Variants in DRC11 observed in about 807,000 individuals in gnomAD.
DRC11 encodes IQ and AAA domain-containing protein 1.
the DRC11 span, among the ~76,000 whole-genome samples, chr2:236,442,819 T>G: frequency 2.0e-5 from 3 of 152,196 alleles, no homozygotes; most frequent in African/African-American, 7.2e-5. Flanking sequence ...TTCTGGAAGG[T>G]TCAAATTTTA....
At chr2:236,358,604 G>T in the DRC11 span, among the ~76,000 whole-genome samples, 6 of 145,392 alleles carry the variant, frequency 4.1e-5, no homozygotes, top group African/African-American at 1.5e-4. Flanking sequence ...GTAAACCAGG[G>T]GACAGCGGAG....
chr2:236,350,738 G>A, the DRC11 span, among the ~76,000 whole-genome samples: 15 of 152,194 alleles, frequency 9.9e-5, no homozygotes, highest in Non-Finnish European at 1.5e-4. The surrounding 1 kb of genome is among the most constrained non-coding windows in gnomAD (Gnocchi z 5.2). Context: ...GACCTGTACC[G>A]CTACCTGATC....
the DRC11 span, among the ~76,000 whole-genome samples, chr2:236,483,749 C>A: frequency 6.6e-6 from 1 of 152,190 alleles, no homozygotes; most frequent in Admixed American, 6.5e-5. This position sits in a 1 kb window ranked among gnomAD's most constrained non-coding sequence, Gnocchi z 4.8. Context: ...CTTGCCGTGT[C>A]ATTTAGAATG....
the DRC11 span, chr2:236,497,392 A>G: frequency 6.2e-7 from 1 of 1,613,792 alleles, no homozygotes; most frequent in Non-Finnish European, 8.5e-7. This position sits in a 1 kb window ranked among gnomAD's most constrained non-coding sequence, Gnocchi z 5.1. Flanking sequence ...AAAGATGAAA[A>G]CCTGATTTCT....
chr2:236,365,956 C>T, the DRC11 span, among the ~76,000 whole-genome samples: 1 of 152,354 alleles, frequency 6.6e-6, no homozygotes, highest in East Asian at 1.9e-4. The surrounding 1 kb of genome is among the most constrained non-coding windows in gnomAD (Gnocchi z 7.4). Context: ...CCAGTGTTCT[C>T]TGTCCTCAAC....
the DRC11 span, among the ~76,000 whole-genome samples, chr2:236,476,112 A>T: frequency 6.6e-6 from 1 of 152,086 alleles, no homozygotes; most frequent in African/African-American, 2.4e-5. The surrounding 1 kb of genome is among the most constrained non-coding windows in gnomAD (Gnocchi z 4.7). Context: ...TTTGTGAAGA[A>T]TATCATTTTG....
chr2:236,338,198 T>C, the DRC11 span: 6 of 1,611,798 alleles, frequency 3.7e-6, no homozygotes, highest in Non-Finnish European at 5.1e-6. Flanking sequence ...GGGCTGGGGG[T>C]ACTTGCCGTA....
chr2:236,369,878 C>T, the DRC11 span, among the ~76,000 whole-genome samples: 3 of 152,142 alleles, frequency 2.0e-5, no homozygotes, highest in African/African-American at 4.8e-5. This position sits in a 1 kb window ranked among gnomAD's most constrained non-coding sequence, Gnocchi z 4.5. Context: ...AAGTGGCAGA[C>T]GAAAAGGCAT....
the DRC11 span, among the ~76,000 whole-genome samples, chr2:236,320,000 A>G: frequency 6.6e-6 from 1 of 152,216 alleles, no homozygotes; most frequent in Non-Finnish European, 1.5e-5. This position sits in a 1 kb window ranked among gnomAD's most constrained non-coding sequence, Gnocchi z 6.7. Flanking sequence ...TCACTACTGC[A>G]TTCTCAGCCC....
the DRC11 span, among the ~76,000 whole-genome samples, chr2:236,491,175 ATATATACACACAG>A: frequency 1.6e-5 from 1 of 62,216 alleles, no homozygotes; most frequent in African/African-American, 7.9e-5. Context: ...ATATATATAT[ATATATACACACAG>A]TATATATATA....
the DRC11 span, among the ~76,000 whole-genome samples, chr2:236,459,663 A>G: frequency 6.9e-6 from 1 of 145,830 alleles, no homozygotes; most frequent in Non-Finnish European, 1.5e-5. Context: ...GTATATACAT[A>G]CGTATATACG....
At chr2:236,368,024 T>C in the DRC11 span, 2 of 650,238 alleles carry the variant, frequency 3.1e-6, no homozygotes, top group Non-Finnish European at 5.6e-6. Context: ...GGTAGTACTT[T>C]GTGTGCTGGT....
chr2:236,495,792 A>G, the DRC11 span, among the ~76,000 whole-genome samples: 1 of 152,172 alleles, frequency 6.6e-6, no homozygotes, highest in African/African-American at 2.4e-5. This position sits in a 1 kb window ranked among gnomAD's most constrained non-coding sequence, Gnocchi z 5.6. Flanking sequence ...TAGGACTGCT[A>G]GGAAACACTG....
At chr2:236,420,579 A>G in the DRC11 span, among the ~76,000 whole-genome samples, 3 of 152,110 alleles carry the variant, frequency 2.0e-5, no homozygotes, top group Non-Finnish European at 2.9e-5. This position sits in a 1 kb window ranked among gnomAD's most constrained non-coding sequence, Gnocchi z 4.8. Context: ...TGTTGTGAAC[A>G]TATTTGGCCA....
the DRC11 span, among the ~76,000 whole-genome samples, chr2:236,375,490 C>T: frequency 2.6e-5 from 4 of 152,262 alleles, no homozygotes; most frequent in Admixed American, 2.6e-4. The surrounding 1 kb of genome is among the most constrained non-coding windows in gnomAD (Gnocchi z 4.2). Context: ...AGAAAATTCT[C>T]CAGCACTTGA....
the DRC11 span, among the ~76,000 whole-genome samples, chr2:236,462,222 G>C: frequency 2.0e-3 from 303 of 152,248 alleles, 1 homozygote; most frequent in African/African-American, 7.1e-3. This position sits in a 1 kb window ranked among gnomAD's most constrained non-coding sequence, Gnocchi z 6.4. Flanking sequence ...GCTCATGGGG[G>C]AGAACCAGCA....
At chr2:236,351,599 T>C in the DRC11 span, among the ~76,000 whole-genome samples, 1 of 152,160 alleles carries the variant, frequency 6.6e-6, no homozygotes, top group African/African-American at 2.4e-5. This position sits in a 1 kb window ranked among gnomAD's most constrained non-coding sequence, Gnocchi z 7.3. Context: ...ATCCTTTTTA[T>C]GTTACAGAAA....
At chr2:236,450,314 CTT>C in the DRC11 span, among the ~76,000 whole-genome samples, 78 of 82,370 alleles carry the variant, frequency 9.5e-4, no homozygotes, top group Non-Finnish European at 6.3e-4. Flanking sequence ...CTTTTCTTTT[CTT>C]TTTTTTTTTT....
At chr2:236,499,176 T>C in the DRC11 span, among the ~76,000 whole-genome samples, 11 of 152,184 alleles carry the variant, frequency 7.2e-5, no homozygotes, top group African/African-American at 2.2e-4. The surrounding 1 kb of genome is among the most constrained non-coding windows in gnomAD (Gnocchi z 4.7). Flanking sequence ...ATGTGCCATT[T>C]TCTGCCTGGT....
Sources: allele counts gnomAD v4.1 joint callset (sites outside exome capture counted in the v4.1 genomes callset), GRCh38; gene constraint gnomAD v4.1.1; non-coding constraint Gnocchi (gnomAD v3.1); transcripts MANE v1.5; gene names NCBI Gene and HGNC (gene_info 2026-07-23, HGNC 2026-07-21).